The following SCFD2 variants were observed in gnomAD, a reference collection of about 807,000 sequenced individuals.
SCFD2 encodes the protein sec1 family domain containing 2, also known as sec1 family domain-containing protein 2.
A neutral mutation model predicts 58.9 loss-of-function variants in SCFD2; 54 were observed. The observed-to-expected ratio is 0.92, with a 90% CI of 0.74 to 1.15. SCFD2 has a LOEUF of 1.15. SCFD2 is among the 50% of genes most tolerant of loss of function. SCFD2 has a pLI of 0.00. For missense variants in SCFD2, 805 were observed against 836.6 expected (o/e 0.96, Z 0.47); for synonymous variants, 321 against 335.9 (o/e 0.96, Z 0.49).
At chr4:53,279,398 G>A (rs1447214756) in intron 3 of SCFD2, among the ~76,000 whole-genome samples, 1 of 152,158 alleles carries the variant, frequency 6.6e-6, no homozygotes, top group Non-Finnish European at 1.5e-5. Flanking sequence ...TTACAGGTGT[G>A]AGCCACCATA....
intron 4 of SCFD2, among the ~76,000 whole-genome samples, chr4:53,253,609 AATC>A (rs1730482053): frequency 6.6e-6 from 1 of 152,006 alleles, no homozygotes; most frequent in Non-Finnish European, 1.5e-5. Context: ...TGAAATTGGA[AATC>A]ATCATTCTCA....
chr4:53,311,475 T>C (rs778480797), intron 3 of SCFD2, among the ~76,000 whole-genome samples: 8 of 152,162 alleles, frequency 5.3e-5, no homozygotes, highest in Non-Finnish European at 8.8e-5. Flanking sequence ...TTTTCAAAGA[T>C]ACGGCCCTTT....
At chr4:52,948,998 A>C (rs1720515987) in intron 5 of SCFD2, 2 of 154,304 alleles carry the variant, frequency 1.3e-5, no homozygotes, top group African/African-American at 4.8e-5. Context: ...TCTGGAGGAG[A>C]AGCATAGGAC....
intron 5 of SCFD2, among the ~76,000 whole-genome samples, chr4:53,094,592 G>A (rs1238623022): frequency 6.6e-6 from 1 of 151,920 alleles, no homozygotes; most frequent in Non-Finnish European, 1.5e-5. Context: ...AACATCAGGA[G>A]GATCACAATT....
chr4:53,072,456 G>A (rs1723845074), intron 5 of SCFD2, among the ~76,000 whole-genome samples: 1 of 152,040 alleles, frequency 6.6e-6, no homozygotes, highest in Admixed American at 6.6e-5. Context: ...GGCTACCTGG[G>A]GTTCAAGTAT....
chr4:52,892,537 C>T (rs1396172366), intron 7 of SCFD2, among the ~76,000 whole-genome samples: 1 of 152,206 alleles, frequency 6.6e-6, no homozygotes, highest in African/African-American at 2.4e-5. Context: ...CCCTTAGCTC[C>T]AGCCATTTGG....
At chr4:53,298,132 C>A (rs7698145) in intron 3 of SCFD2, among the ~76,000 whole-genome samples, 2 of 151,878 alleles carry the variant, frequency 1.3e-5, no homozygotes, top group East Asian at 3.9e-4. Context: ...ATGCGTGAGC[C>A]GAAGCAGGGC....
rs570812436 is a variant in SCFD2 at position 53,284,521 on chromosome 4, C to A, written c.1136-10520G>T. 2.6e-4 allele frequency among the ~76,000 whole-genome samples: 39 copies of A among 150,052 alleles called. 1 individual carries two copies. The South Asian group carries it at 5.1e-3, about 20-fold the overall frequency. The stretch of plus-strand genomic sequence containing the variant: ...TTTTGAAATATTGTCTAGGTTCTGA[C>A]ATAAAATAATATGTCTCATGTAGAA... On this transcript the variant is annotated intron_variant, in intron 3 of 8. Coordinates refer to ENST00000401642, the MANE Select transcript of SCFD2 (RefSeq NM_152540.4).
chr4:53,358,041 TAAAG>T (rs985389069), intron 1 of SCFD2, among the ~76,000 whole-genome samples: 1 of 152,196 alleles, frequency 6.6e-6, no homozygotes, highest in Non-Finnish European at 1.5e-5. Flanking sequence ...TTGTGAAAAT[TAAAG>T]GAATTTACAT....
At chr4:53,229,590 C>G (rs1199483435) in intron 4 of SCFD2, among the ~76,000 whole-genome samples, 2 of 152,194 alleles carry the variant, frequency 1.3e-5, no homozygotes, top group Non-Finnish European at 2.9e-5. Flanking sequence ...GAAACTGGAT[C>G]CCTTCCTTAC....
chr4:53,153,944 C>T (rs1210962073), intron 4 of SCFD2, among the ~76,000 whole-genome samples: 1 of 152,178 alleles, frequency 6.6e-6, no homozygotes, highest in Admixed American at 6.5e-5. Context: ...TCATTTCCAA[C>T]TGAGACCTCA....
intron 6 of SCFD2, among the ~76,000 whole-genome samples, chr4:52,915,906 A>G (rs1719591175): frequency 6.6e-6 from 1 of 152,242 alleles, no homozygotes; most frequent in Non-Finnish European, 1.5e-5. Flanking sequence ...TTGACAAAAG[A>G]GGCCAGGCCT....
chr4:53,187,302 G>C (rs1464853832), intron 4 of SCFD2, among the ~76,000 whole-genome samples: 2 of 152,058 alleles, frequency 1.3e-5, no homozygotes, highest in Non-Finnish European at 2.9e-5. Context: ...ACAGCATAGA[G>C]AGTCTTGTGG....
intron 4 of SCFD2, among the ~76,000 whole-genome samples, chr4:53,246,314 T>G (rs927414118): frequency 5.9e-5 from 9 of 152,150 alleles, no homozygotes; most frequent in Non-Finnish European, 1.3e-4. Flanking sequence ...AAAATAACAA[T>G]GACATTCTTT....
intron 5 of SCFD2, among the ~76,000 whole-genome samples, chr4:52,973,329 A>C (rs1358491049): frequency 6.6e-6 from 1 of 152,224 alleles, no homozygotes; most frequent in East Asian, 1.9e-4. Context: ...AAAAATGATA[A>C]AGGGGATATC....
chr4:53,183,336 G>A (rs1577815224), intron 4 of SCFD2, among the ~76,000 whole-genome samples: 1 of 152,248 alleles, frequency 6.6e-6, no homozygotes, highest in Non-Finnish European at 1.5e-5. Flanking sequence ...AAAATGATGA[G>A]TTCATGTCCT....
At chr4:53,230,275 T>C (rs1232843271) in intron 4 of SCFD2, among the ~76,000 whole-genome samples, 1 of 152,212 alleles carries the variant, frequency 6.6e-6, no homozygotes, top group Non-Finnish European at 1.5e-5. Context: ...TTACTGGGTA[T>C]ATACCCAAAG....
intron 5 of SCFD2, among the ~76,000 whole-genome samples, chr4:52,968,575 T>A (rs537974391): frequency 5.4e-4 from 82 of 152,338 alleles, no homozygotes; most frequent in Non-Finnish European, 1.0e-3. Context: ...TATTATGAAT[T>A]CTTTACTGCA....
intron 3 of SCFD2, among the ~76,000 whole-genome samples, chr4:53,309,001 C>T (rs1281284103): frequency 6.6e-6 from 1 of 151,936 alleles, no homozygotes; most frequent in African/African-American, 2.4e-5. Flanking sequence ...GGCATGGTGG[C>T]ATGGGCCTGT....
Sources: gnomAD v4.1 joint callset for allele counts (sites outside exome capture counted in the v4.1 genomes callset) on GRCh38, gnomAD v4.1.1 for gene constraint, MANE v1.5 for transcripts, NCBI Gene and HGNC (gene_info 2026-07-23, HGNC 2026-07-21) for gene names.